SLC1A2: variants seen among roughly 807,000 people sequenced by gnomAD.
The protein encoded by SLC1A2 is solute carrier family 1 member 2.
A neutral mutation model predicts 48.8 loss-of-function variants in SLC1A2; 15 were observed. The observed-to-expected ratio is 0.31, with a 90% confidence interval of 0.21 to 0.47. The LOEUF is 0.47. SLC1A2 is among the 20% of genes least tolerant of loss of function. SLC1A2 has a pLI of 0.99. For missense variants in SLC1A2, 502 were observed against 730.5 expected, an observed-to-expected ratio of 0.69 and a Z score of 3.61; for synonymous variants, 279 against 272.6, an observed-to-expected ratio of 1.02 and a Z score of -0.23.
chr11:35,347,253 T>C (rs1430653067), intron 1 of SLC1A2, among the ~76,000 whole-genome samples: 1 of 152,174 alleles, frequency 6.6e-6, no homozygotes, highest in East Asian at 1.9e-4. Context: ...GAAGGAGCAA[T>C]GGTCAGGGCT....
At chr11:35,338,811 C>T (rs777818631) in intron 1 of SLC1A2, among the ~76,000 whole-genome samples, 6 of 152,194 alleles carry the variant, frequency 3.9e-5, no homozygotes, top group African/African-American at 1.4e-4. Flanking sequence ...TAAAACAAAA[C>T]AGTCCTTTGA....
At chr11:35,275,413 C>A (rs1291255596) in intron 9 of SLC1A2, among the ~76,000 whole-genome samples, 1 of 151,874 alleles carries the variant, frequency 6.6e-6, no homozygotes. Flanking sequence ...CCACTCCATC[C>A]TGCCTCCTTC....
At chr11:35,294,671 T>C (rs1851115779) in intron 6 of SLC1A2, among the ~76,000 whole-genome samples, 1 of 152,204 alleles carries the variant, frequency 6.6e-6, no homozygotes, top group Non-Finnish European at 1.5e-5. Flanking sequence ...CCTTCTCTCC[T>C]GGGACGAGCA....
intron 9 of SLC1A2, among the ~76,000 whole-genome samples, chr11:35,268,024 T>A (rs780401727): frequency 6.6e-6 from 1 of 152,172 alleles, no homozygotes; most frequent in Non-Finnish European, 1.5e-5. Flanking sequence ...AGTCTGCATT[T>A]CCCCTTTAAA....
upstream of SLC1A2, chr11:35,419,890 G>A: frequency 2.2e-6 from 1 of 463,902 alleles, no homozygotes; most frequent in Non-Finnish European, 4.5e-6. This position sits in a 1 kb window ranked among gnomAD's most constrained non-coding sequence, Gnocchi z 5.4. Flanking sequence ...CGGAGCACCC[G>A]CTTCAGCTCA....
chr11:35,355,784 C>T (rs1285562587), intron 1 of SLC1A2, among the ~76,000 whole-genome samples: 1 of 151,702 alleles, frequency 6.6e-6, no homozygotes, highest in African/African-American at 2.4e-5. Flanking sequence ...ACTCGGGAGG[C>T]TGAGGCAGGA....
chr11:35,348,818 A>G (rs1565265241), intron 1 of SLC1A2, among the ~76,000 whole-genome samples: 1 of 145,384 alleles, frequency 6.9e-6, no homozygotes, highest in East Asian at 2.1e-4. Context: ...GCTTGAACCC[A>G]GGAGGTGGAG....
At chr11:35,361,102 C>A (rs1355523548) in intron 1 of SLC1A2, among the ~76,000 whole-genome samples, 1 of 152,100 alleles carries the variant, frequency 6.6e-6, no homozygotes, top group Non-Finnish European at 1.5e-5. Context: ...TCTCAAACTC[C>A]TGACCTCAAG....
rs147969999 is a variant in SLC1A2, at chr11:35,307,359, C to G, written c.562-1117G>C. 1.6e-4 allele frequency: 24 copies of G among 152,338 alleles called. No individual in the cohort carries two copies. The East Asian group carries it at 3.9e-3, about 24-fold the overall frequency. 9.4% of individuals were successfully genotyped at this position (152,338 alleles called of 1,614,324 possible). ...ACTCCTTCTGAGCAGTGATGCCAAGCCTTTCTCAATGTTCCCCAAGTGTCT... is the reference window on the plus strand; with the variant it reads ...ACTCCTTCTGAGCAGTGATGCCAAGGCTTTCTCAATGTTCCCCAAGTGTCT... On this transcript the variant is annotated intron_variant, in intron 4 of 10. Transcript: ENST00000278379.
At chr11:35,276,451 T>TAA (rs34408622) in intron 9 of SLC1A2, among the ~76,000 whole-genome samples, 17 of 147,502 alleles carry the variant, frequency 1.2e-4, no homozygotes, top group South Asian at 4.3e-4. Context: ...TCATCCTTTT[T>TAA]AAAAAAAAAA....
intron 8 of SLC1A2, among the ~76,000 whole-genome samples, chr11:35,282,623 C>T (rs1456108310): frequency 1.3e-5 from 2 of 151,926 alleles, no homozygotes; most frequent in Non-Finnish European, 2.9e-5. Context: ...GATGGGAATT[C>T]TCAACTGTTT....
intron 9 of SLC1A2, among the ~76,000 whole-genome samples, chr11:35,266,885 T>G (rs1480474978): frequency 6.6e-6 from 1 of 152,180 alleles, no homozygotes; most frequent in Non-Finnish European, 1.5e-5. Context: ...CTATTTCTTA[T>G]TAGAGAATAA....
At chr11:35,311,444 G>A (rs867632377) in intron 4 of SLC1A2, among the ~76,000 whole-genome samples, 1 of 152,172 alleles carries the variant, frequency 6.6e-6, no homozygotes, top group Non-Finnish European at 1.5e-5. Flanking sequence ...ATAGGCATGA[G>A]CCACCACGCC....
At chr11:35,277,029 G>C (rs1354323626) in intron 9 of SLC1A2, among the ~76,000 whole-genome samples, 1 of 152,154 alleles carries the variant, frequency 6.6e-6, no homozygotes, top group Admixed American at 6.5e-5. Context: ...GAAAGACAAA[G>C]AGAGGGCAAG....
At chr11:35,394,473 A>C (rs573236730) in intron 1 of SLC1A2, among the ~76,000 whole-genome samples, 137 of 151,862 alleles carry the variant, frequency 9.0e-4, no homozygotes, top group Non-Finnish European at 1.6e-3. Context: ...TCCCCTGATG[A>C]AAAAAAAATC....
chr11:35,292,091 A>G (rs1405624118), intron 7 of SLC1A2, 196 bp downstream of exon 7: 1 of 576,546 alleles, frequency 1.7e-6, no homozygotes, highest in Non-Finnish European at 3.1e-6. Flanking sequence ...GCAAACCAGC[A>G]AAAATGTTCA....
intron 1 of SLC1A2, among the ~76,000 whole-genome samples, chr11:35,405,478 T>A (rs1466317622): frequency 6.6e-6 from 1 of 152,066 alleles, no homozygotes; most frequent in African/African-American, 2.4e-5. Flanking sequence ...AGAAATTCCT[T>A]CTTTGTATCT....
In SLC1A2 at chr11:35,253,924, T is replaced by G. The variant is rs1313652591; in HGVS notation, c.*6970A>C. 1.3e-5 allele frequency: 2 copies of G among 152,550 alleles called. No individual in the cohort carries two copies. Among genetic ancestry groups the G allele is most frequent in the African/African-American group, 2.4e-5 (1 of 41,458 alleles). 9.4% of individuals were successfully genotyped at this position (152,550 alleles called of 1,614,324 possible). On this transcript the variant is annotated 3_prime_UTR_variant, in exon 11 of 11. Coordinates refer to ENST00000278379, the MANE Select transcript of SLC1A2 (RefSeq NM_004171.4). ...CCTATAACATTATTAAAGGCTAAAT[T>G]AATATTAAACATATAACATCCAGGT...
chr11:35,355,066 A>G lies in SLC1A2; in HGVS notation c.18-37550T>C, dbSNP rs149344907. Among the ~76,000 whole-genome samples the G allele has an allele frequency of 2.8e-3, 427 of 152,364 alleles. 3 individuals are homozygous for G. Among genetic ancestry groups the G allele is most frequent in the African/African-American group, 9.8e-3 (408 of 41,580 alleles). On this transcript the variant is annotated intron_variant, in intron 1 of 10. Coordinates refer to ENST00000278379, the MANE Select transcript of SLC1A2 (RefSeq NM_004171.4). The stretch of plus-strand genomic sequence containing the variant: ...ACATTTATAATCAGAGAAACATGGT[A>G]GTTTAAACCATAACATTTACATAGA...
Sources: allele counts gnomAD v4.1 joint callset (sites outside exome capture counted in the v4.1 genomes callset), GRCh38; gene constraint gnomAD v4.1.1; non-coding constraint Gnocchi (gnomAD v3.1); transcripts MANE v1.5; gene names NCBI Gene and HGNC (gene_info 2026-07-23, HGNC 2026-07-21).